NPAS3: variants seen among roughly 807,000 people sequenced by gnomAD.
NPAS3 encodes neuronal PAS domain-containing protein 3.
NPAS3 carries 14 observed loss-of-function variants against 73.1 expected under a neutral mutation model. The ratio of observed to expected loss-of-function variants is 0.19; its 90% confidence interval spans 0.13 to 0.30. The LOEUF (loss-of-function observed/expected upper bound fraction) is 0.30. Ranked by LOEUF, NPAS3 falls within the 10% of genes least tolerant of loss-of-function variation. The pLI is 1.00. For synonymous variants in NPAS3, 620 were observed against 541.5 expected, an observed-to-expected ratio of 1.14 and a Z score of -2.01; for missense variants, 1,096 against 1,250.0, an observed-to-expected ratio of 0.88 and a Z score of 1.86.
chr14:32,946,333 A>AACACACACGCACGCACACACACAC (rs2036248769), intron 1 of NPAS3, among the ~76,000 whole-genome samples: 3 of 105,302 alleles, frequency 2.8e-5, no homozygotes, highest in Non-Finnish European at 6.1e-5. Flanking sequence ...CCATCCCCCC[A>AACACACACGCACGCACACACACAC]ACACACACAC....
chr14:33,679,167 G>A (rs964586379), intron 6 of NPAS3, among the ~76,000 whole-genome samples: 1 of 152,074 alleles, frequency 6.6e-6, no homozygotes, highest in Non-Finnish European at 1.5e-5. Flanking sequence ...AGCTACACTC[G>A]CATAAGAAGA....
intron 3 of NPAS3, among the ~76,000 whole-genome samples, chr14:33,253,375 A>G (rs553571964): frequency 2.0e-5 from 3 of 152,100 alleles, no homozygotes; most frequent in Non-Finnish European, 2.9e-5. Context: ...AGGAACCAGA[A>G]TTAAAACTCT....
intron 5 of NPAS3, among the ~76,000 whole-genome samples, chr14:33,573,929 G>A (rs577113823): frequency 8.5e-5 from 13 of 152,290 alleles, no homozygotes; most frequent in East Asian, 1.9e-4. Flanking sequence ...GCCTTTTTCC[G>A]GTAAGATCAA....
chr14:33,168,529 G>C (rs749928638), intron 2 of NPAS3, among the ~76,000 whole-genome samples: 1 of 152,120 alleles, frequency 6.6e-6, no homozygotes, highest in Non-Finnish European at 1.5e-5. Flanking sequence ...AGACATTTCC[G>C]AGTTGGAGCC....
chr14:33,050,283 G>A (rs931899074), intron 1 of NPAS3, among the ~76,000 whole-genome samples: 4 of 152,064 alleles, frequency 2.6e-5, no homozygotes, highest in Non-Finnish European at 5.9e-5. Context: ...GTTTTAAGCT[G>A]GAATCTATTT....
chr14:33,346,766 T>G (rs754860144), intron 3 of NPAS3, among the ~76,000 whole-genome samples: 1 of 152,146 alleles, frequency 6.6e-6, no homozygotes, highest in African/African-American at 2.4e-5. Flanking sequence ...AATCCTTTCA[T>G]GTATTACAGT....
intron 1 of NPAS3, among the ~76,000 whole-genome samples, chr14:33,001,605 C>T (rs1449851560): frequency 3.3e-5 from 5 of 152,180 alleles, no homozygotes; most frequent in African/African-American, 1.2e-4. Flanking sequence ...TCTTGTATTA[C>T]CTTAGCACGT....
intron 9 of NPAS3, 70 bp from the exon 10 acceptor site, chr14:33,793,827 A>AT (rs1317783958): frequency 5.3e-5 from 59 of 1,123,002 alleles, no homozygotes; most frequent in Non-Finnish European, 6.8e-5. Context: ...TTTTGCAGAG[A>AT]TAAAAAAAAA....
intron 1 of NPAS3, among the ~76,000 whole-genome samples, chr14:32,939,805 G>A (rs2035902975): frequency 6.6e-6 from 1 of 151,886 alleles, no homozygotes; most frequent in Admixed American, 6.5e-5. Flanking sequence ...GGGAGGGGGA[G>A]GGAAGGCGGC....
At chr14:33,074,356 A>G (rs750665485) in intron 2 of NPAS3, among the ~76,000 whole-genome samples, 6 of 152,234 alleles carry the variant, frequency 3.9e-5, no homozygotes, top group Admixed American at 1.3e-4. Context: ...CTGCCTGTGC[A>G]TTAAGGTACC....
chr14:33,161,967 G>A (rs1323900963), intron 2 of NPAS3, among the ~76,000 whole-genome samples: 1 of 152,198 alleles, frequency 6.6e-6, no homozygotes, highest in African/African-American at 2.4e-5. Context: ...GCTGCTGTCA[G>A]TTATCAGAGG....
chr14:33,332,490 G>A (rs1449346610), intron 3 of NPAS3, among the ~76,000 whole-genome samples: 2 of 152,180 alleles, frequency 1.3e-5, no homozygotes, highest in Admixed American at 6.5e-5. Context: ...ATAGAGGACA[G>A]TGTGTTAGAT....
At chr14:33,687,090 T>C (rs1054939789) in intron 6 of NPAS3, among the ~76,000 whole-genome samples, 4 of 152,076 alleles carry the variant, frequency 2.6e-5, no homozygotes, top group African/African-American at 9.7e-5. Context: ...AAGATAACAT[T>C]TAGAAAAAGA....
At chr14:33,511,579 T>G (rs779738272) in intron 4 of NPAS3, among the ~76,000 whole-genome samples, 3 of 152,102 alleles carry the variant, frequency 2.0e-5, no homozygotes, top group Non-Finnish European at 4.4e-5. Context: ...GGTGGTTAGA[T>G]AGATGACAGC....
intron 5 of NPAS3, among the ~76,000 whole-genome samples, chr14:33,561,555 A>G (rs2055650270): frequency 6.6e-6 from 1 of 152,202 alleles, no homozygotes; most frequent in South Asian, 2.1e-4. Flanking sequence ...TATCTTATTG[A>G]AAGATCTGGT....
intron 4 of NPAS3, among the ~76,000 whole-genome samples, chr14:33,458,354 A>G (rs571781276): frequency 6.6e-6 from 1 of 152,318 alleles, no homozygotes; most frequent in Non-Finnish European, 1.5e-5. Flanking sequence ...ATTTTGAATC[A>G]CTTTAAATTT....
chr14:33,055,132 C>G (rs2040843103), intron 1 of NPAS3, among the ~76,000 whole-genome samples: 1 of 151,908 alleles, frequency 6.6e-6, no homozygotes, highest in Non-Finnish European at 1.5e-5. Flanking sequence ...TACTTTTTTC[C>G]CTGAATGAAG....
chr14:33,077,618 C>T (rs1473901481), intron 2 of NPAS3, among the ~76,000 whole-genome samples: 2 of 152,132 alleles, frequency 1.3e-5, no homozygotes, highest in East Asian at 3.9e-4. Flanking sequence ...TAAAAGAAAG[C>T]TTTTGCACTC....
chr14:33,717,281 G>T (rs183318669), intron 6 of NPAS3, among the ~76,000 whole-genome samples: 57 of 151,242 alleles, frequency 3.8e-4, no homozygotes, highest in African/African-American at 1.4e-3. Context: ...GTTTCCTCAG[G>T]GACAAAAGGT....
Sources: gnomAD v4.1 joint callset for allele counts (sites outside exome capture counted in the v4.1 genomes callset) on GRCh38, gnomAD v4.1.1 for gene constraint, MANE v1.5 for transcripts, NCBI Gene and HGNC (gene_info 2026-07-23, HGNC 2026-07-21) for gene names.